The following AP1S3 variants were observed in gnomAD, a reference collection of about 807,000 sequenced individuals.
The protein encoded by AP1S3 is AP-1 complex subunit sigma-3.
AP1S3 carries 10 observed loss-of-function variants against 20.9 expected under a neutral mutation model. The observed-to-expected ratio is 0.48, with a 90% CI of 0.29 to 0.81. The LOEUF is 0.81. Among genes scored for constraint, AP1S3 ranks in the 30% least tolerant of loss-of-function variants. The probability of loss-of-function intolerance (pLI) is 0.08; values close to 1 mark genes in which losing one functional copy is unlikely to be tolerated. For synonymous variants in AP1S3, 41 were observed against 61.5 expected (o/e 0.67, Z 1.56); for missense variants, 154 against 183.8 (o/e 0.84, Z 0.94).
In AP1S3 at chr2:223,826,547, T is replaced by A. The variant is rs558688417; in HGVS notation, c.3+10901A>T. Among the ~76,000 whole-genome samples the A allele has an allele frequency of 7.9e-5, 12 of 152,258 alleles. 1 individual carries two copies. In the South Asian group the frequency reaches 2.5e-3, roughly 32 times the overall value. On this transcript the variant is annotated intron_variant, in intron 1 of 4. Transcript: ENST00000396654. The stretch of plus-strand genomic sequence containing the variant: ...GGCAGGGGTCGCAGTGAGCAGAGAT[T>A]GCACCACTGCACTTCAGCTTGGGTG...
intron 1 of AP1S3, among the ~76,000 whole-genome samples, chr2:223,781,758 C>T (rs554699607): frequency 7.0e-4 from 107 of 152,190 alleles, no homozygotes; most frequent in African/African-American, 2.5e-3. Context: ...TGCATCATCA[C>T]GGTGCGTAAG....
At chr2:223,812,907 T>C (rs1037694976) in intron 1 of AP1S3, among the ~76,000 whole-genome samples, 2 of 151,988 alleles carry the variant, frequency 1.3e-5, no homozygotes, top group African/African-American at 4.8e-5. Flanking sequence ...TTGTTTCATG[T>C]TGCCATTTTG....
At chr2:223,781,028 A>G (rs1690934375) in intron 1 of AP1S3, among the ~76,000 whole-genome samples, 1 of 151,592 alleles carries the variant, frequency 6.6e-6, no homozygotes, top group African/African-American at 2.4e-5. Context: ...CGCTTGTGAG[A>G]ACATGCAATA....
At chr2:223,776,314 C>G (rs909336485) in intron 2 of AP1S3, among the ~76,000 whole-genome samples, 2 of 152,176 alleles carry the variant, frequency 1.3e-5, no homozygotes, top group Non-Finnish European at 2.9e-5. Flanking sequence ...CTTCACACCC[C>G]TCTCCAGCTT....
intron 1 of AP1S3, among the ~76,000 whole-genome samples, chr2:223,816,234 C>G (rs1691840558): frequency 6.6e-6 from 1 of 152,078 alleles, no homozygotes; most frequent in Non-Finnish European, 1.5e-5. Context: ...ACTTTATCAC[C>G]AGTTGGGTTA....
chr2:223,833,859 C>T (rs1692333777), intron 1 of AP1S3, among the ~76,000 whole-genome samples: 1 of 151,986 alleles, frequency 6.6e-6, no homozygotes, highest in African/African-American at 2.4e-5. Context: ...GATTATGAAA[C>T]TTTTTGGATG....
At chr2:223,761,383 G>A (rs895128506) in intron 4 of AP1S3, among the ~76,000 whole-genome samples, 1 of 152,140 alleles carries the variant, frequency 6.6e-6, no homozygotes, top group Non-Finnish European at 1.5e-5. Flanking sequence ...GCATCCACAC[G>A]AGGGCACATA....
intron 1 of AP1S3, among the ~76,000 whole-genome samples, chr2:223,786,627 AAGG>A (rs1280244770): frequency 6.6e-6 from 1 of 151,900 alleles, no homozygotes; most frequent in Non-Finnish European, 1.5e-5. Context: ...AAAAAAGAAG[AAGG>A]AGAAGGTCAG....
At chr2:223,835,564 A>T (rs1308460156) in intron 1 of AP1S3, among the ~76,000 whole-genome samples, 1 of 152,186 alleles carries the variant, frequency 6.6e-6, no homozygotes, top group Non-Finnish European at 1.5e-5. Flanking sequence ...CTGAGGCAGG[A>T]GAATTGCTTG....
At chr2:223,834,206 T>C (rs962415465) in intron 1 of AP1S3, among the ~76,000 whole-genome samples, 1 of 150,364 alleles carries the variant, frequency 6.7e-6, no homozygotes, top group African/African-American at 2.4e-5. Flanking sequence ...CTGATATTTA[T>C]TGTATTTGAA....
intron 1 of AP1S3, among the ~76,000 whole-genome samples, chr2:223,801,467 T>C (rs571974623): frequency 2.0e-5 from 3 of 152,190 alleles, no homozygotes; most frequent in Non-Finnish European, 4.4e-5. Context: ...CTCTCTTTTT[T>C]CTTTTTTTGA....
chr2:223,780,242 CTGGAACCACA>C (rs1690888575), intron 1 of AP1S3, among the ~76,000 whole-genome samples: 1 of 131,728 alleles, frequency 7.6e-6, no homozygotes, highest in African/African-American at 2.9e-5. Context: ...TCCCTGGTAG[CTGGAACCACA>C]GGTGTGCACC....
intron 1 of AP1S3, among the ~76,000 whole-genome samples, chr2:223,795,539 G>A (rs1481238562): frequency 2.0e-5 from 3 of 152,188 alleles, no homozygotes. Flanking sequence ...CTCAATCACT[G>A]TTCCGGATTT....
intron 1 of AP1S3, among the ~76,000 whole-genome samples, chr2:223,831,904 A>G (rs7584800): frequency 0.48 from 73,224 of 151,654 alleles, 17,754 homozygotes; most frequent in Middle Eastern, 0.57. Flanking sequence ...GTGAAACCCC[A>G]TCTCCATTAA....
intron 1 of AP1S3, among the ~76,000 whole-genome samples, chr2:223,815,092 A>G (rs949124146): frequency 1.3e-5 from 2 of 152,230 alleles, no homozygotes; most frequent in Non-Finnish European, 2.9e-5. Flanking sequence ...TATTTTAAAT[A>G]AATGTGATTT....
intron 4 of AP1S3, among the ~76,000 whole-genome samples, chr2:223,759,400 G>A (rs1232164690): frequency 6.6e-6 from 1 of 152,134 alleles, no homozygotes; most frequent in Non-Finnish European, 1.5e-5. Flanking sequence ...CCACATCCAG[G>A]TACGTGTATT....
intron 1 of AP1S3, among the ~76,000 whole-genome samples, chr2:223,834,093 A>T (rs1029248786): frequency 6.6e-6 from 1 of 152,076 alleles, no homozygotes; most frequent in Non-Finnish European, 1.5e-5. Flanking sequence ...TTTTTAGTAG[A>T]GACAGTGTTT....
intron 4 of AP1S3, among the ~76,000 whole-genome samples, chr2:223,762,698 C>A (rs183734992): frequency 6.6e-6 from 1 of 152,194 alleles, no homozygotes; most frequent in Admixed American, 6.5e-5. Flanking sequence ...AGCCACCACA[C>A]GCTCAGAATA....
chr2:223,831,933 T>C (rs528520160), intron 1 of AP1S3, among the ~76,000 whole-genome samples: 5 of 151,980 alleles, frequency 3.3e-5, no homozygotes, highest in East Asian at 3.9e-4. Context: ...AAAAATTAGC[T>C]GGGCATGGTG....
Sources: gnomAD v4.1 joint callset for allele counts (sites outside exome capture counted in the v4.1 genomes callset) on GRCh38, gnomAD v4.1.1 for gene constraint, MANE v1.5 for transcripts, NCBI Gene and HGNC (gene_info 2026-07-23, HGNC 2026-07-21) for gene names.